ZNF141: variants seen among roughly 807,000 people sequenced by gnomAD.
ZNF141 encodes the protein zinc finger protein 141, also known as zinc finger protein 141 (clone pHZ-44).
A neutral mutation model predicts 11.3 loss-of-function variants in ZNF141; 7 were observed. That is an observed-to-expected ratio of 0.62 (90% CI 0.35 to 1.16). ZNF141 has a LOEUF of 1.16. Ranked by LOEUF, ZNF141 falls within the 50% of genes most tolerant of loss-of-function variation. The probability of loss-of-function intolerance (pLI) is 0.02; values close to 1 mark genes in which losing one functional copy is unlikely to be tolerated. For synonymous variants in ZNF141, 183 were observed against 190.7 expected (o/e 0.96, Z 0.33); for missense variants, 535 against 554.0 (o/e 0.97, Z 0.34).
At chr4:372,236 G>C (rs1182696963) in intron 3 of ZNF141, among the ~76,000 whole-genome samples, 2 of 152,212 alleles carry the variant, frequency 1.3e-5, no homozygotes, top group Non-Finnish European at 2.9e-5. Context: ...TGTGGTATTG[G>C]AGACAGAAAC....
In ZNF141 at chr4:378,028, G is replaced by A. The variant is rs2108659743; in HGVS notation, c.*4166G>A. On this transcript the variant is annotated 3_prime_UTR_variant, in exon 4 of 4. Coordinates refer to ENST00000240499, the MANE Select transcript of ZNF141 (RefSeq NM_003441.4). Reference sequence around the variant, plus strand: ...AAAAATACAAAAATTAGCAGGGCGTGGTGGCATGTGCCTGTAGTCCCAGCT... The same window carrying A: ...AAAAATACAAAAATTAGCAGGGCGTAGTGGCATGTGCCTGTAGTCCCAGCT... 1 of 152,118 alleles carries A rather than the reference G, an allele frequency of 6.6e-6. No homozygotes were observed. Among genetic ancestry groups the A allele is most frequent in the Non-Finnish European group, 1.5e-5 (1 of 68,026 alleles). The allele number at this position is 152,118 out of a possible 1,614,324, so 9.4% of individuals were successfully genotyped here. A position where few individuals can be genotyped will look rare whatever the true frequency, so the allele number is the denominator to read the frequency against.
At chr4:360,817 A>G (rs550128783) in intron 3 of ZNF141, among the ~76,000 whole-genome samples, 1 of 152,334 alleles carries the variant, frequency 6.6e-6, no homozygotes, top group Non-Finnish European at 1.5e-5. Context: ...TAAAAAATAT[A>G]TAAATGCGAA....
Position 379,339 on chromosome 4 carries a change from C to A in ZNF141, c.*5477C>A, listed in dbSNP as rs952772450. 4.6e-5 allele frequency among the ~76,000 whole-genome samples: 7 copies of A among 152,076 alleles called. No individual in the cohort carries two copies. Among genetic ancestry groups the A allele is most frequent in the Non-Finnish European group, 1.0e-4 (7 of 67,996 alleles). On this transcript the variant is annotated 3_prime_UTR_variant, in exon 4 of 4. Transcript: ENST00000240499. ...TATTATATATTGTTCTGGGTCTAAG[C>A]CATGCTAGTAAATATTAGAGTTCCT...
At chr4:358,297 C>A (rs1181679032) in intron 3 of ZNF141, 1 of 361,080 alleles carries the variant, frequency 2.8e-6, no homozygotes, top group African/African-American at 2.3e-5. Flanking sequence ...AAGTGATTCT[C>A]CTGCCTCCGC....
chr4:349,848 A>G (rs1284650285), intron 3 of ZNF141, among the ~76,000 whole-genome samples: 1 of 152,164 alleles, frequency 6.6e-6, no homozygotes, highest in Non-Finnish European at 1.5e-5. Flanking sequence ...AGGGTTTTGA[A>G]GTTTGTCTGC....
At chr4:343,703 T>G in intron 1 of ZNF141, 79 bp from the exon 2 acceptor site, 6 of 1,276,722 alleles carry the variant, frequency 4.7e-6, no homozygotes, top group Non-Finnish European at 4.0e-6. Context: ...CCAGCCTGGG[T>G]GACAGAGCGA....
chr4:379,189 G>A lies in ZNF141; in HGVS notation c.*5327G>A, dbSNP rs1386443771. On this transcript the variant is annotated 3_prime_UTR_variant, in exon 4 of 4. Coordinates refer to ENST00000240499, the MANE Select transcript of ZNF141 (RefSeq NM_003441.4). The stretch of plus-strand genomic sequence containing the variant: ...ATTCATTTACTGTGTTCACGAAGTG[G>A]CCAATTTTGGGACCTTTAGCATCAC... Among the ~76,000 whole-genome samples, 2 of 151,822 alleles carry A rather than the reference G, an allele frequency of 1.3e-5. No homozygotes were observed. The highest frequency in any genetic ancestry group is 1.5e-5 in the Non-Finnish European group (1 of 67,978).
rs1185696925 is a variant in ZNF141, at chr4:382,052, TCTC to T, written c.*8193_*8195del. ...GCTCCACCTCCCAGGTTCACGCCAT[TCTC>T]CTGCCTCAGCCTCCCAAGTAGCTGG... On this transcript the variant is annotated 3_prime_UTR_variant, in exon 4 of 4. Coordinates refer to ENST00000240499, the MANE Select transcript of ZNF141 (RefSeq NM_003441.4). 1.1e-4 allele frequency among the ~76,000 whole-genome samples: 17 copies of T among 150,762 alleles called. No homozygotes were observed. Among genetic ancestry groups the T allele is most frequent in the African/African-American group, 4.2e-4 (17 of 40,746 alleles).
intron 3 of ZNF141, among the ~76,000 whole-genome samples, chr4:346,732 G>A (rs367777936): frequency 1.1e-4 from 17 of 151,988 alleles, no homozygotes; most frequent in East Asian, 3.9e-4. Flanking sequence ...TTGTCTTTCC[G>A]TGTTTGGCTT....
chr4:352,352 G>A (rs186102965), intron 3 of ZNF141, among the ~76,000 whole-genome samples: 4 of 152,086 alleles, frequency 2.6e-5, no homozygotes, highest in Non-Finnish European at 4.4e-5. Context: ...ATACCACTGC[G>A]CTCCAGCCTG....
chr4:364,059 T>C (rs1360448933), intron 3 of ZNF141, among the ~76,000 whole-genome samples: 1 of 152,222 alleles, frequency 6.6e-6, no homozygotes, highest in East Asian at 1.9e-4. Context: ...TCATGGTAGA[T>C]GAGCTTTTTG....
chr4:370,723 T>G (rs563204392), intron 3 of ZNF141, among the ~76,000 whole-genome samples: 1 of 152,264 alleles, frequency 6.6e-6, no homozygotes, highest in African/African-American at 2.4e-5. Flanking sequence ...TAGTTGAAGT[T>G]TGTTGAGCTC....
chr4:353,858 T>C (rs1407437480), intron 3 of ZNF141, among the ~76,000 whole-genome samples: 1 of 152,132 alleles, frequency 6.6e-6, no homozygotes, highest in Admixed American at 6.6e-5. Flanking sequence ...AGGGAAGGAC[T>C]TCTGAGGGCA....
chr4:352,846 T>C (rs1459687821), intron 3 of ZNF141, among the ~76,000 whole-genome samples: 2 of 152,208 alleles, frequency 1.3e-5, no homozygotes, highest in Admixed American at 6.5e-5. Flanking sequence ...AATTATTAAA[T>C]TTGAGGGAGG....
At chr4:364,104 T>C (rs1006502348) in intron 3 of ZNF141, among the ~76,000 whole-genome samples, 2 of 152,246 alleles carry the variant, frequency 1.3e-5, no homozygotes. Flanking sequence ...AGTATTTTAT[T>C]GAGGATTTTC....
rs1182029118 is a variant in ZNF141 at position 373,045 on chromosome 4, A to G, written c.608A>G (p.Glu203Gly). 1 of 1,613,956 alleles carries G rather than the reference A, an allele frequency of 6.2e-7. No homozygotes were observed. Among genetic ancestry groups the G allele is most frequent in the Non-Finnish European group, 8.5e-7 (1 of 1,179,940 alleles). The stretch of plus-strand genomic sequence containing the variant: ...GGAGAGAAACCCTACACTTGTGAAG[A>G]ATGTGGCAAAGCCTTTAAATGGTCT... ...HAGEKPYTCE[E>G]CGKAFKWSLI... is the part of the protein sequence containing the mutation. Residue 203 changes from glutamate to glycine, a missense_variant, in exon 4 of 4, where the codon GAA becomes GGA. Transcript: ENST00000240499.
chr4:353,110 C>T (rs1282143198), intron 3 of ZNF141, among the ~76,000 whole-genome samples: 2 of 152,096 alleles, frequency 1.3e-5, no homozygotes, highest in Non-Finnish European at 2.9e-5. Flanking sequence ...TGGTGGCTCA[C>T]GCCTGTAATC....
chr4:351,446 G>A lies in ZNF141; in HGVS notation c.226+7016G>A, dbSNP rs1721598645. On this transcript the variant is annotated intron_variant, in intron 3 of 3. Coordinates refer to ENST00000240499, the MANE Select transcript of ZNF141 (RefSeq NM_003441.4). ...GGCGGGGTTTTACCATGTTAGCCAG[G>A]TGGTCTCCTGACCTCATGATCCGCC... Among the ~76,000 whole-genome samples the A allele has an allele frequency of 2.0e-5, 3 of 151,736 alleles. No individual in the cohort carries two copies. The South Asian group carries it at 6.3e-4, about 32-fold the overall frequency.
chr4:353,457 A>T (rs1271920890), intron 3 of ZNF141, among the ~76,000 whole-genome samples: 23 of 122,332 alleles, frequency 1.9e-4, no homozygotes, highest in African/African-American at 7.4e-4. Context: ...ATTTATTATT[A>T]TTATTATTAT....
Sources: gnomAD v4.1 joint callset for allele counts (sites outside exome capture counted in the v4.1 genomes callset) on GRCh38, gnomAD v4.1.1 for gene constraint, MANE v1.5 for transcripts, NCBI Gene and HGNC (gene_info 2026-07-23, HGNC 2026-07-21) for gene names.